The following FNBP1 variants were observed in gnomAD, a reference collection of about 807,000 sequenced individuals.
FNBP1 encodes the protein formin binding protein 1, also known as formin-binding protein 1.
Under a neutral mutation model 90.6 loss-of-function variants are expected in FNBP1, and 26 were observed. The ratio of observed to expected loss-of-function variants is 0.29; its 90% CI spans 0.21 to 0.40. The LOEUF (loss-of-function observed/expected upper bound fraction) is 0.40. Ranked by LOEUF, FNBP1 falls within the 10% of genes least tolerant of loss-of-function variation. FNBP1 has a pLI of 1.00. For synonymous variants in FNBP1, 260 were observed against 265.2 expected (o/e 0.98, Z 0.19); for missense variants, 635 against 768.0 (o/e 0.83, Z 2.05).
intron 1 of FNBP1, among the ~76,000 whole-genome samples, chr9:130,005,217 C>T (rs2055497664): frequency 6.6e-6 from 1 of 151,412 alleles, no homozygotes; most frequent in African/African-American, 2.4e-5. Context: ...GCCTGGGTGA[C>T]ACAGCCAGAC....
chr9:129,974,053 C>T (rs961793606), intron 4 of FNBP1, among the ~76,000 whole-genome samples: 1 of 151,914 alleles, frequency 6.6e-6, no homozygotes, highest in South Asian at 2.1e-4. Flanking sequence ...GAACTTCTGA[C>T]CTCAAGTGAT....
intron 6 of FNBP1, among the ~76,000 whole-genome samples, chr9:129,945,579 G>A (rs2132457608): frequency 6.6e-6 from 1 of 152,238 alleles, no homozygotes; most frequent in South Asian, 2.1e-4. Flanking sequence ...AACTAAAGTG[G>A]TCATTGTGCT....
intron 16 of FNBP1, 27 bp downstream of exon 16, chr9:129,895,811 T>A (rs1352734904): frequency 2.0e-6 from 3 of 1,513,168 alleles, no homozygotes; most frequent in East Asian, 2.4e-5. Flanking sequence ...TTTTTTTTTT[T>A]ATGGTATTAA....
chr9:129,953,678 G>A (rs1401709983), intron 6 of FNBP1, among the ~76,000 whole-genome samples: 2 of 152,102 alleles, frequency 1.3e-5, no homozygotes, highest in East Asian at 3.9e-4. Flanking sequence ...GTGGGATACA[G>A]AGAAAACAGT....
intron 1 of FNBP1, among the ~76,000 whole-genome samples, chr9:130,011,093 G>A (rs1010636757): frequency 5.3e-5 from 8 of 150,688 alleles, no homozygotes; most frequent in Admixed American, 1.3e-4. Flanking sequence ...GCAGGCACCT[G>A]TAGTCCCAGC....
intron 6 of FNBP1, among the ~76,000 whole-genome samples, chr9:129,946,400 T>G (rs1163609460): frequency 1.3e-5 from 2 of 152,272 alleles, no homozygotes; most frequent in South Asian, 2.1e-4. Flanking sequence ...GTGCTCATGG[T>G]CAGATTTTAA....
rs1564239750 is a variant in FNBP1, at chr9:129,890,406, A to AGG, written c.*132_*133insCC. 1.3e-6 allele frequency: 1 copy of AGG among 753,956 alleles called. No individual in the cohort carries two copies. Among genetic ancestry groups the AGG allele is most frequent in the Non-Finnish European group, 2.3e-6 (1 of 435,792 alleles). The allele number at this position is 753,956 out of a possible 1,614,324, so 46.7% of individuals were successfully genotyped here. A position where few individuals can be genotyped will look rare whatever the true frequency, so the allele number is the denominator to read the frequency against. On this transcript the variant is annotated 3_prime_UTR_variant, in exon 17 of 17. Coordinates refer to ENST00000446176, the MANE Select transcript of FNBP1 (RefSeq NM_015033.3). This position sits in a 1 kb window ranked among gnomAD's most constrained non-coding sequence, Gnocchi z 5.8. ...GCCGCAGGGAGCATGCTGGAGAGAG[A>AGG]GAGAGACCGCCCCGCAGGGATGGGG...
chr9:129,899,793 A>AGG (rs1564262723), intron 15 of FNBP1, among the ~76,000 whole-genome samples, 172 bp downstream of exon 15: 3 of 126,996 alleles, frequency 2.4e-5, no homozygotes, highest in African/African-American at 9.0e-5. Flanking sequence ...AGGGAAGGGA[A>AGG]GGAAGGAAGG....
rs1364590080 is a variant in FNBP1, at chr9:129,900,463, G to A, written c.1513C>T (p.Pro505Ser). 3.7e-6 allele frequency: 6 copies of A among 1,605,142 alleles called. No homozygotes were observed. Among genetic ancestry groups the A allele is most frequent in the Non-Finnish European group, 5.1e-6 (6 of 1,176,230 alleles). Residue 505 changes from proline (P) to serine (S), a missense_variant, in exon 14 of 17, where the codon CCA (proline) becomes TCA (serine). Pro to Ser is a moderately conservative substitution (Grantham distance 74). Coordinates refer to ENST00000446176, the MANE Select transcript of FNBP1 (RefSeq NM_015033.3). The surrounding 1 kb of genome is among the most constrained non-coding windows in gnomAD (Gnocchi z 4.1). ...RQSGLYDSQN[P>S]PTVNNCAQDR... ...TGGGCGCAGTTGTTGACTGTGGGTG[G>A]GTTCTGGCTGTCGTACAGTCCGCTC...
At position 129,977,917 on chromosome 9, in the gene FNBP1, T is replaced by A. The variant is rs531133935; in HGVS notation, c.345+548A>T. Among the ~76,000 whole-genome samples the A allele has an allele frequency of 4.6e-5, 7 of 152,306 alleles. No individual in the cohort carries two copies. In the South Asian group the frequency reaches 1.2e-3, roughly 27 times the overall value. On this transcript the variant is annotated intron_variant, in intron 4 of 16. Coordinates refer to ENST00000446176, the MANE Select transcript of FNBP1 (RefSeq NM_015033.3). The stretch of plus-strand genomic sequence containing the variant: ...TTCCTCAAAGGGATGCATATTCCTT[T>A]GAATATGGGTCCACAGATGAGTTTC...
At chr9:130,015,441 A>G (rs1301155034) in intron 1 of FNBP1, among the ~76,000 whole-genome samples, 2 of 152,108 alleles carry the variant, frequency 1.3e-5, no homozygotes, top group Admixed American at 6.6e-5. Context: ...TCCATTATCA[A>G]TAGACTCCCT....
rs758858855 is a variant in FNBP1 at position 129,978,576 on chromosome 9, G to A, written c.234C>T (p.Asn78=). 18 of 1,613,222 alleles carry A rather than the reference G, an allele frequency of 1.1e-5. No individual in the cohort carries two copies. The African/African-American group carries it at 1.2e-4, about 11-fold the overall frequency. ...TSCKAFISNL[N]EMNDYAGQHE... ...GCTGCCCTGCGTAATCATTCATTTC[G>A]TTCAGGTTGGAAATGAAAGCTTTAC... Residue 78 remains asparagine, a synonymous_variant, in exon 4 of 17, where the codon AAC becomes AAT. Transcript: ENST00000446176.
Position 129,900,041 on chromosome 9 carries a change from C to T in FNBP1, c.1611G>A (p.Thr537=), listed in dbSNP as rs377247806. 84 of 1,613,488 alleles carry T rather than the reference C, an allele frequency of 5.2e-5. No homozygotes were observed. In the African/African-American group the frequency reaches 6.9e-4, roughly 13 times the overall value. ...SQESEMKVLA[T]DFDDEFDDEE... The stretch of plus-strand genomic sequence containing the variant: ...CATCATCAAACTCGTCGTCAAAATC[C>T]GTGGCCAGCACCTTCATCTCACTCT... The change falls in exon 15 of 17, where the codon ACG becomes ACA. Residue 537 remains threonine, a synonymous_variant. Coordinates refer to ENST00000446176, the MANE Select transcript of FNBP1 (RefSeq NM_015033.3). The surrounding 1 kb of genome is among the most constrained non-coding windows in gnomAD (Gnocchi z 4.1).
intron 16 of FNBP1, among the ~76,000 whole-genome samples, chr9:129,893,375 G>A (rs1387654847): frequency 6.6e-6 from 1 of 151,142 alleles, no homozygotes; most frequent in Non-Finnish European, 1.5e-5. Flanking sequence ...GGCTGAGGCG[G>A]GCGGATCACT....
chr9:129,903,853 A>ATGGTGAAACCCC (rs1440730182), intron 12 of FNBP1, among the ~76,000 whole-genome samples: 3 of 152,118 alleles, frequency 2.0e-5, no homozygotes, highest in African/African-American at 7.2e-5. Flanking sequence ...TATTTCCAAC[A>ATGGTGAAACCCC]TGGTGAAACC....
intron 6 of FNBP1, among the ~76,000 whole-genome samples, chr9:129,943,356 G>A (rs2044628843): frequency 6.7e-6 from 1 of 150,342 alleles, no homozygotes; most frequent in African/African-American, 2.4e-5. Context: ...TTATCTCACT[G>A]GCAAGTATGT....
At chr9:129,974,445 T>A (rs910707561) in intron 4 of FNBP1, among the ~76,000 whole-genome samples, 1 of 152,246 alleles carries the variant, frequency 6.6e-6, no homozygotes, top group Non-Finnish European at 1.5e-5. Context: ...ACTACAGGCG[T>A]GAGCCACCAC....
intron 15 of FNBP1, among the ~76,000 whole-genome samples, chr9:129,899,749 G>A (rs2036510225): frequency 7.1e-6 from 1 of 140,084 alleles, no homozygotes; most frequent in African/African-American, 2.6e-5. Context: ...AGGAAGGAAG[G>A]AAGGGAAGGA....
chr9:129,941,147 G>A (rs572466690), intron 6 of FNBP1, among the ~76,000 whole-genome samples: 10 of 152,212 alleles, frequency 6.6e-5, no homozygotes, highest in Non-Finnish European at 1.0e-4. Flanking sequence ...CCCGCACTTT[G>A]GGAGGCTGAG....
Sources: allele counts gnomAD v4.1 joint callset (sites outside exome capture counted in the v4.1 genomes callset), GRCh38; gene constraint gnomAD v4.1.1; non-coding constraint Gnocchi (gnomAD v3.1); transcripts MANE v1.5; gene names NCBI Gene and HGNC (gene_info 2026-07-23, HGNC 2026-07-21).